Variants in ATP2C1 observed in about 807,000 individuals in gnomAD.
ATP2C1 encodes calcium-transporting ATPase type 2C member 1.
ATP2C1 carries 31 observed loss-of-function variants against 120.5 expected under a neutral mutation model. The ratio of observed to expected loss-of-function variants is 0.26; its 90% confidence interval spans 0.19 to 0.35. The LOEUF is 0.35. Ranked by LOEUF, ATP2C1 falls within the 10% of genes least tolerant of loss-of-function variation. The probability of loss-of-function intolerance (pLI) is 1.00; values close to 1 mark genes in which losing one functional copy is unlikely to be tolerated. For missense variants in ATP2C1, 731 were observed against 1,107.5 expected (o/e 0.66, Z 4.83); for synonymous variants, 351 against 358.7 (o/e 0.98, Z 0.24).
At chr3:130,966,798 T>G (rs1293475396) in intron 14 of ATP2C1, among the ~76,000 whole-genome samples, 1 of 152,216 alleles carries the variant, frequency 6.6e-6, no homozygotes, top group Admixed American at 6.5e-5. Flanking sequence ...TTACATATGG[T>G]AATGCATTTG....
In ATP2C1 at chr3:130,894,148, C is replaced by T. The variant is rs567367641; in HGVS notation, c.-370C>T. Reference sequence around the variant, plus strand: ...GACGGGTCCCCTCACCTCCTCTTCTCTCCCCTCCCCGCCCGCCCTCTCTCC... The same window carrying T: ...GACGGGTCCCCTCACCTCCTCTTCTTTCCCCTCCCCGCCCGCCCTCTCTCC... On this transcript the variant is annotated 5_prime_UTR_variant, in exon 1 of 28. Coordinates refer to ENST00000510168, the MANE Select transcript of ATP2C1 (RefSeq NM_001378687.1). The surrounding 1 kb of genome is among the most constrained non-coding windows in gnomAD (Gnocchi z 4.5). The T allele has an allele frequency of 2.7e-6, 2 of 728,532 alleles. No homozygotes were observed. The highest frequency in any genetic ancestry group is 6.2e-5 in the South Asian group (1 of 16,194). 45.1% of individuals were successfully genotyped at this position (728,532 alleles called of 1,614,324 possible). A position where few individuals can be genotyped will look rare whatever the true frequency, so the allele number is the denominator to read the frequency against.
intron 10 of ATP2C1, 36 bp from the exon 11 acceptor site, chr3:130,956,068 G>C (rs181695848): frequency 7.1e-7 from 1 of 1,415,162 alleles, no homozygotes; most frequent in Admixed American, 1.7e-5. Context: ...AGTAAATATA[G>C]CTAATTGTGG....
intron 14 of ATP2C1, among the ~76,000 whole-genome samples, chr3:130,965,663 T>C (rs1387168076): frequency 6.6e-6 from 1 of 152,128 alleles, no homozygotes; most frequent in African/African-American, 2.4e-5. Flanking sequence ...ATTCCTACTT[T>C]AAGAACTTTG....
At chr3:130,999,105 T>A (rs1463803074) in intron 26 of ATP2C1, among the ~76,000 whole-genome samples, 5 of 152,186 alleles carry the variant, frequency 3.3e-5, no homozygotes, top group Non-Finnish European at 7.4e-5. Flanking sequence ...TATTTTTTTA[T>A]GAAAAGTGGT....
chr3:130,907,647 C>T (rs13097117), intron 2 of ATP2C1, among the ~76,000 whole-genome samples: 1 of 151,076 alleles, frequency 6.6e-6, no homozygotes, highest in African/African-American at 2.4e-5. Context: ...GATGTAAGTA[C>T]CATAATGTTT....
chr3:130,889,360 C>A (rs992672010), upstream of ATP2C1, among the ~76,000 whole-genome samples: 1 of 152,108 alleles, frequency 6.6e-6, no homozygotes, highest in Non-Finnish European at 1.5e-5. Context: ...ACCTAGTGTA[C>A]AATGCTTTTT....
At chr3:130,962,171 C>G (rs1179970946) in intron 12 of ATP2C1, among the ~76,000 whole-genome samples, 1 of 151,850 alleles carries the variant, frequency 6.6e-6, no homozygotes, top group African/African-American at 2.4e-5. Context: ...ATGCTGAAGG[C>G]TGGTATGAAT....
chr3:130,994,206 T>C, intron 22 of ATP2C1, 108 bp downstream of exon 22: 3 of 1,294,784 alleles, frequency 2.3e-6, no homozygotes, highest in Non-Finnish European at 3.3e-6. Context: ...AAACATTAGG[T>C]AAACTAAACC....
chr3:131,007,577 C>A (rs1230309195), downstream of ATP2C1, among the ~76,000 whole-genome samples: 2 of 152,146 alleles, frequency 1.3e-5, no homozygotes, highest in Non-Finnish European at 1.5e-5. Flanking sequence ...TTCCAGAGAT[C>A]CATTTTTGGG....
intron 1 of ATP2C1, among the ~76,000 whole-genome samples, chr3:130,884,889 A>AT (rs1452534531): frequency 7.1e-6 from 1 of 141,372 alleles, no homozygotes; most frequent in Non-Finnish European, 1.6e-5. Context: ...GCCTATGTGT[A>AT]TCTTAATAGG....
intron 18 of ATP2C1, 41 bp downstream of exon 18, chr3:130,975,529 GA>G: frequency 6.2e-7 from 1 of 1,602,936 alleles, no homozygotes; most frequent in South Asian, 1.1e-5. Context: ...TGGAAAGGTA[GA>G]GCCTTCTTTT....
intron 2 of ATP2C1, among the ~76,000 whole-genome samples, chr3:130,915,313 C>T (rs189892436): frequency 2.0e-5 from 3 of 152,002 alleles, no homozygotes; most frequent in Non-Finnish European, 2.9e-5. Flanking sequence ...AGGCTGGTCT[C>T]GAACTCCTGA....
intron 2 of ATP2C1, among the ~76,000 whole-genome samples, chr3:130,896,450 ATT>A (rs1005124629): frequency 2.6e-4 from 39 of 152,148 alleles, no homozygotes; most frequent in African/African-American, 8.9e-4. Flanking sequence ...TCAAGAGACC[ATT>A]TTTGTCAGTT....
At chr3:130,987,481 C>T (rs896116149) in intron 20 of ATP2C1, among the ~76,000 whole-genome samples, 1 of 151,968 alleles carries the variant, frequency 6.6e-6, no homozygotes, top group African/African-American at 2.4e-5. Flanking sequence ...CTGGCATATG[C>T]CACCATGCCT....
chr3:130,895,567 C>CG (rs1431469076), intron 2 of ATP2C1, among the ~76,000 whole-genome samples: 1 of 152,132 alleles, frequency 6.6e-6, no homozygotes, highest in East Asian at 1.9e-4. Context: ...TGTGCGTGAT[C>CG]ATTTTTTTTT....
intron 27 of ATP2C1, among the ~76,000 whole-genome samples, chr3:131,000,390 T>TAA: frequency 6.6e-6 from 1 of 152,148 alleles, no homozygotes; most frequent in African/African-American, 2.4e-5. Flanking sequence ...TTCCTCTTTT[T>TAA]AAAAAAATGG....
chr3:130,970,787 T>A (rs1227612936), intron 17 of ATP2C1, among the ~76,000 whole-genome samples: 2 of 152,146 alleles, frequency 1.3e-5, no homozygotes, highest in Admixed American at 6.5e-5. Context: ...ATGTGATACC[T>A]ATGATTACGT....
In ATP2C1 at chr3:130,888,052, A is replaced by T. The variant is rs142843949; in HGVS notation, c.108+37124A>T. Reference sequence around the variant, plus strand: ...AAGGCTCTTTATTCACAGGTGATGAATCCTGCCAGGTGTGGATCCTTCCCT... The same window carrying T: ...AAGGCTCTTTATTCACAGGTGATGATTCCTGCCAGGTGTGGATCCTTCCCT... On this transcript the variant is annotated intron_variant, in intron 1 of 26. Coordinates refer to the ATP2C1 transcript ENST00000504381. Among the ~76,000 whole-genome samples, 53 of 152,272 alleles carry T rather than the reference A, an allele frequency of 3.5e-4. 1 individual carries two copies. The East Asian group carries it at 9.8e-3, about 28-fold the overall frequency.
chr3:130,959,635 A>G (rs917423819), intron 12 of ATP2C1: 1 of 174,786 alleles, frequency 5.7e-6, no homozygotes, highest in African/African-American at 2.4e-5. Context: ...GCAACATGAA[A>G]GAGAAAGTTC....
Sources: gnomAD v4.1 joint callset for allele counts (sites outside exome capture counted in the v4.1 genomes callset) on GRCh38, gnomAD v4.1.1 for gene constraint, Gnocchi (gnomAD v3.1) non-coding constraint, MANE v1.5 for transcripts, NCBI Gene and HGNC (gene_info 2026-07-23, HGNC 2026-07-21) for gene names.